Variants in R3HCC1 observed in about 807,000 individuals in gnomAD.
The protein encoded by R3HCC1 is R3H domain and coiled-coil containing 1.
Under a neutral mutation model 40.0 loss-of-function variants are expected in R3HCC1, and 32 were observed. The observed-to-expected ratio is 0.80, with a 90% confidence interval of 0.60 to 1.07. The LOEUF is 1.07. R3HCC1 is among the 50% of genes least tolerant of loss of function. The pLI is 0.00. For missense variants in R3HCC1, 586 were observed against 563.3 expected (o/e 1.04, Z -0.41); for synonymous variants, 237 against 232.8 (o/e 1.02, Z -0.17).
Position 23,288,393 on chromosome 8 carries a change from A to G in R3HCC1, c.-18-113A>G, listed in dbSNP as rs1345343387. The G allele has an allele frequency of 1.4e-5, 20 of 1,417,890 alleles. No homozygotes were observed. In the East Asian group the frequency reaches 4.6e-4, roughly 32 times the overall value. The allele number at this position is 1,417,890 out of a possible 1,614,324, so 87.8% of individuals were successfully genotyped here. A position where few individuals can be genotyped will look rare whatever the true frequency, so the allele number is the denominator to read the frequency against. ...GGGTCCCTGGCATCACTTCCCCGCCACCGAGCCTTGGACCAGAGGGTTTCT... is the reference window on the plus strand; with the variant it reads ...GGGTCCCTGGCATCACTTCCCCGCCGCCGAGCCTTGGACCAGAGGGTTTCT... On this transcript the variant is annotated intron_variant, in intron 1 of 7. Coordinates refer to ENST00000265806, the MANE Select transcript of R3HCC1 (RefSeq NM_001136108.3).
chr8:23,293,163 C>T (rs1802906113), intron 5 of R3HCC1, 140 bp from the exon 6 acceptor site: 2 of 623,924 alleles, frequency 3.2e-6, no homozygotes, highest in South Asian at 2.0e-5. Context: ...AAATGATTGT[C>T]TCCGTCCCAG....
At position 23,294,824 on chromosome 8, in the gene R3HCC1, G is replaced by C; in HGVS notation, c.1152G>C (p.Gln384His). The change falls in exon 7 of 8, where the codon CAG (glutamine) becomes CAC (histidine). Residue 384 changes from glutamine (Q) to histidine (H), a missense_variant. Coordinates refer to ENST00000265806, the MANE Select transcript of R3HCC1 (RefSeq NM_001136108.3). ...TGCTCAAGATCCGGCCCCTCACACAGGGAACCAAGCAGTCAAAGCTCAAAG... is the reference window on the plus strand; with the variant it reads ...TGCTCAAGATCCGGCCCCTCACACACGGAACCAAGCAGTCAAAGCTCAAAG... 6.4e-7 allele frequency: 1 copy of C among 1,551,500 alleles called. No individual in the cohort carries two copies. Among genetic ancestry groups the C allele is most frequent in the Non-Finnish European group, 8.7e-7 (1 of 1,146,936 alleles).
In R3HCC1 at chr8:23,290,134, G is replaced by C; in HGVS notation, c.517G>C (p.Val173Leu). 1.3e-6 allele frequency: 2 copies of C among 1,551,544 alleles called. No homozygotes were observed. Among genetic ancestry groups the C allele is most frequent in the Non-Finnish European group, 1.7e-6 (2 of 1,147,010 alleles). The change falls in exon 4 of 8, where the codon GTT becomes CTT. Residue 173 changes from valine to leucine, a missense_variant. Physicochemically the swap from Val to Leu is conservative, Grantham distance 32. Transcript: ENST00000265806. ...CAGGGACCCAGAAGAGCCTGGAGAT[G>C]TTGGTGCTGGAGACCCCAACTCTGA... is the stretch of plus-strand genomic sequence containing the variant.
At chr8:23,294,485 C>T (rs1404794454) in intron 6 of R3HCC1, among the ~76,000 whole-genome samples, 1 of 152,188 alleles carries the variant, frequency 6.6e-6, no homozygotes, top group Admixed American at 6.5e-5. Context: ...AACTGGGAGC[C>T]CGCCTCTTCT....
In R3HCC1 at chr8:23,289,883, G is replaced by A. The variant is rs974183979; in HGVS notation, c.266G>A (p.Gly89Asp). 3.9e-6 allele frequency: 6 copies of A among 1,520,274 alleles called. No individual in the cohort carries two copies. The African/African-American group carries it at 8.2e-5, about 21-fold the overall frequency. 94.2% of individuals were successfully genotyped at this position (1,520,274 alleles called of 1,614,324 possible). ...TGCTCCAGGGTACCCAGTTCGGATG[G>A]CCTCTCTGGCCCCTGCCGCGCTCCT... Residue 89 changes from glycine to aspartate, a missense_variant, in exon 4 of 8, where the codon GGC becomes GAC. Transcript: ENST00000265806.
intron 1 of R3HCC1, 24 bp downstream of exon 1, chr8:23,288,181 G>T (rs1285459641): frequency 1.7e-6 from 2 of 1,205,262 alleles, no homozygotes; most frequent in Non-Finnish European, 2.1e-6. Context: ...CACTGGGGGG[G>T]TGGTCGTCCC....
At position 23,289,949 on chromosome 8, in the gene R3HCC1, C is replaced by T; in HGVS notation, c.332C>T (p.Ser111Phe). The T allele has an allele frequency of 1.3e-6, 2 of 1,536,244 alleles. No individual in the cohort carries two copies. Among genetic ancestry groups the T allele is most frequent in the South Asian group, 1.2e-5 (1 of 84,054 alleles). Residue 111 changes from serine (S) to phenylalanine (F), a missense_variant, in exon 4 of 8, where the codon TCC becomes TTC. Coordinates refer to ENST00000265806, the MANE Select transcript of R3HCC1 (RefSeq NM_001136108.3). ...AGGTACCACGGTCCTCGGCCCATCT[C>T]CAACCAAGGAGCAGCTGCGGTTCCC...
Position 23,288,176 on chromosome 8 carries a change from G to A in R3HCC1, c.-19+19G>A, listed in dbSNP as rs777193565. The A allele has an allele frequency of 2.5e-6, 3 of 1,211,718 alleles. No individual in the cohort carries two copies. Among genetic ancestry groups the A allele is most frequent in the South Asian group, 1.5e-5 (1 of 66,330 alleles). 75.1% of individuals were successfully genotyped at this position (1,211,718 alleles called of 1,614,324 possible). The stretch of plus-strand genomic sequence containing the variant: ...GGCCGCGGTGAGTGCAGCAGCACTG[G>A]GGGGGTGGTCGTCCCGACCCCCGGG... On this transcript the variant is annotated intron_variant, in intron 1 of 7. Coordinates refer to ENST00000265806, the MANE Select transcript of R3HCC1 (RefSeq NM_001136108.3).
chr8:23,289,478 C>T lies in R3HCC1; in HGVS notation c.248+325C>T, dbSNP rs117005408. Reference sequence around the variant, plus strand: ...GTGTCCCACAGAGACCAGAAAAGCACCTGCTGGGCTTCGGTCCCCTCTGTT... The same window carrying T: ...GTGTCCCACAGAGACCAGAAAAGCATCTGCTGGGCTTCGGTCCCCTCTGTT... On this transcript the variant is annotated intron_variant, in intron 3 of 7. Coordinates refer to ENST00000265806, the MANE Select transcript of R3HCC1 (RefSeq NM_001136108.3). Among the ~76,000 whole-genome samples, 1,110 of 152,332 alleles carry T rather than the reference C, an allele frequency of 7.3e-3. 9 individuals are homozygous for T. Among genetic ancestry groups the T allele is most frequent in the Non-Finnish European group, 0.013 (869 of 68,024 alleles).
At chr8:23,295,668 A>G (rs1802994643) in intron 7 of R3HCC1, 3 of 496,480 alleles carry the variant, frequency 6.0e-6, no homozygotes, top group Non-Finnish European at 7.4e-6. Context: ...ACCCCTCCCA[A>G]AGGACCCTAA....
chr8:23,296,247 G>T lies in R3HCC1; in HGVS notation c.*150G>T. The T allele has an allele frequency of 1.0e-6, 1 of 953,258 alleles. No homozygotes were observed. The highest frequency in any genetic ancestry group is 1.5e-6 in the Non-Finnish European group (1 of 676,184). The allele number at this position is 953,258 out of a possible 1,614,324, so 59.0% of individuals were successfully genotyped here. A position where few individuals can be genotyped will look rare whatever the true frequency, so the allele number is the denominator to read the frequency against. On this transcript the variant is annotated 3_prime_UTR_variant, in exon 8 of 8. Transcript: ENST00000265806. ...GCTTTAGTTTAGTCCCAGAAATGGA[G>T]AAAAAATAAAAACTCACGTTGTTCT... is the stretch of plus-strand genomic sequence containing the variant.
At position 23,295,978 on chromosome 8, in the gene R3HCC1, CTGG is replaced by C; in HGVS notation, c.1207_1209del (p.Val403del). On this transcript the variant is annotated inframe_deletion, in exon 8 of 8. Transcript: ENST00000265806. ...GGCTTTCCTTCTAGAACTCCTGCGT[CTGG>C]TGAAGGAGAGGCCACAGACAAATGC... The C allele has an allele frequency of 6.5e-7, 1 of 1,549,910 alleles. No homozygotes were observed. The highest frequency in any genetic ancestry group is 8.7e-7 in the Non-Finnish European group (1 of 1,146,390).
intron 1 of R3HCC1, 35 bp downstream of exon 1, chr8:23,288,192 G>C: frequency 8.3e-7 from 1 of 1,203,360 alleles, no homozygotes; most frequent in Non-Finnish European, 1.0e-6. Flanking sequence ...TGGTCGTCCC[G>C]ACCCCCGGGC....
At chr8:23,293,427 G>T in intron 6 of R3HCC1, 54 bp downstream of exon 6, 1 of 1,400,128 alleles carries the variant, frequency 7.1e-7, no homozygotes, top group Non-Finnish European at 9.9e-7. Flanking sequence ...TGAGAGGGAG[G>T]ACCCTTGGTT....
At chr8:23,294,990 T>C (rs1480144071) in intron 7 of R3HCC1, 126 bp downstream of exon 7, 3 of 739,174 alleles carry the variant, frequency 4.1e-6, no homozygotes, top group Non-Finnish European at 2.3e-6. Context: ...TTCTTCCCGC[T>C]TGACTTCTCT....
At chr8:23,291,226 G>A (rs1283539513) in intron 4 of R3HCC1, 135 bp from the exon 5 acceptor site, 37 of 1,312,536 alleles carry the variant, frequency 2.8e-5, no homozygotes, top group Non-Finnish European at 3.5e-5. Context: ...TTGCAGCCCA[G>A]TCTGCCTGCT....
Position 23,290,356 on chromosome 8 carries a change from G to C in R3HCC1, c.739G>C (p.Glu247Gln). 1 of 1,551,902 alleles carries C rather than the reference G, an allele frequency of 6.4e-7. No individual in the cohort carries two copies. Among genetic ancestry groups the C allele is most frequent in the African/African-American group, 1.4e-5 (1 of 73,168 alleles). ...GCAGCTAGACCTGGAAAAGGGGAAG[G>C]AGAGTCTGTTGGAGAAGAGGCTGGT... Residue 247 changes from glutamate to glutamine, a missense_variant, in exon 4 of 8, where the codon GAG becomes CAG. Glu to Gln is a conservative substitution (Grantham distance 29, BLOSUM62 2). Transcript: ENST00000265806.
chr8:23,290,176 C>T lies in R3HCC1; in HGVS notation c.559C>T (p.Leu187=), dbSNP rs1802832831. The change falls in exon 4 of 8, where the codon CTG becomes TTG. Residue 187 remains leucine, a synonymous_variant. Transcript: ENST00000265806. ...CAACTCTGATCAGGGACTCCCTGTG[C>T]TGATGACTCAGGGAACAGAGGACCT... 6.4e-7 allele frequency: 1 copy of T among 1,551,686 alleles called. No homozygotes were observed.
intron 6 of R3HCC1, 51 bp from the exon 7 acceptor site, chr8:23,294,718 G>A (rs953217713): frequency 4.5e-5 from 63 of 1,404,190 alleles, no homozygotes; most frequent in Middle Eastern, 1.8e-4. Flanking sequence ...TGGGTGTGCC[G>A]CGGGGTCCTG....
Sources: allele counts gnomAD v4.1 joint callset (sites outside exome capture counted in the v4.1 genomes callset), GRCh38; gene constraint gnomAD v4.1.1; transcripts MANE v1.5; gene names NCBI Gene and HGNC (gene_info 2026-07-23, HGNC 2026-07-21).